DIPK1A: variants seen among roughly 807,000 people sequenced by gnomAD.
DIPK1A encodes divergent protein kinase domain 1A.
In DIPK1A, 27 loss-of-function variants were observed where a neutral mutation model predicts 40.8. The observed-to-expected ratio is 0.66, with a 90% CI of 0.49 to 0.91. DIPK1A has a LOEUF of 0.91. DIPK1A is among the 40% of genes least tolerant of loss of function. The probability of loss-of-function intolerance (pLI) is 0.00; values close to 1 mark genes in which losing one functional copy is unlikely to be tolerated. For missense variants in DIPK1A, 412 were observed against 505.7 expected (o/e 0.81, Z 1.78); for synonymous variants, 166 against 171.3 (o/e 0.97, Z 0.24).
At chr1:92,926,091 AC>A in intron 1 of DIPK1A, among the ~76,000 whole-genome samples, 1 of 151,804 alleles carries the variant, frequency 6.6e-6, no homozygotes, top group African/African-American at 2.4e-5. Flanking sequence ...TATTGTCTTT[AC>A]TTTCTTCTTT....
chr1:92,857,612 C>G (rs1249690862), intron 2 of DIPK1A, among the ~76,000 whole-genome samples: 1 of 152,074 alleles, frequency 6.6e-6, no homozygotes, highest in Non-Finnish European at 1.5e-5. Flanking sequence ...AGTGAGCCAC[C>G]GTGCCCGGCT....
rs1003561245 is a variant in DIPK1A, at chr1:92,842,626, A to G, written c.*757T>C. ...GTCTTGCACTTACAGTCCCACTTTC[A>G]CATAGTTCAAAATCAGGATATGTGG... On this transcript the variant is annotated 3_prime_UTR_variant, in exon 5 of 5. Transcript: ENST00000370310. The G allele has an allele frequency of 2.0e-6, 2 of 985,246 alleles. No individual in the cohort carries two copies. The highest frequency in any genetic ancestry group is 3.5e-5 in the African/African-American group (2 of 57,250). 61.0% of individuals were successfully genotyped at this position (985,246 alleles called of 1,614,324 possible).
intron 1 of DIPK1A, chr1:92,933,554 T>C (rs1650840790): frequency 6.6e-6 from 1 of 152,038 alleles, no homozygotes. Context: ...AAAAGAAAAC[T>C]GCCCAATCTA....
rs954243889 is a variant in DIPK1A at position 92,908,837 on chromosome 1, G to A, written c.55-32407C>T. Among the ~76,000 whole-genome samples the A allele has an allele frequency of 1.8e-4, 28 of 152,272 alleles. No homozygotes were observed. The South Asian group carries it at 1.9e-3, about 10-fold the overall frequency. The stretch of plus-strand genomic sequence containing the variant: ...GGACTCAAGGAGAGACACCAACTCC[G>A]CTGTCCCTAGAGCAGAAGGAAGAGT... On this transcript the variant is annotated intron_variant, in intron 1 of 4. Coordinates refer to ENST00000370310, the MANE Select transcript of DIPK1A (RefSeq NM_001006605.5).
At chr1:92,882,116 G>T (rs1027036616) in intron 1 of DIPK1A, among the ~76,000 whole-genome samples, 5 of 152,208 alleles carry the variant, frequency 3.3e-5, no homozygotes, top group African/African-American at 1.2e-4. Flanking sequence ...GGCCAGGTGT[G>T]GTGGCTCATG....
At chr1:92,889,128 T>C (rs951576651) in intron 1 of DIPK1A, among the ~76,000 whole-genome samples, 1 of 152,220 alleles carries the variant, frequency 6.6e-6, no homozygotes, top group African/African-American at 2.4e-5. Context: ...ACTAATAGTT[T>C]CATAATTTCA....
In DIPK1A at chr1:92,843,788, A is replaced by G; in HGVS notation, c.882T>C (p.Asp294=). The change falls in exon 5 of 5, where the codon GAT becomes GAC. Residue 294 remains aspartate, a synonymous_variant. Transcript: ENST00000370310. ...HGPYGNFLMC[D]TSAKNLGYND... is the part of the protein sequence containing the mutation. ...TATATCCTAGGTTTTTGGCACTAGTATCGCACATGAGGAAATTTCCGTAGG... is the reference window on the plus strand; with the variant it reads ...TATATCCTAGGTTTTTGGCACTAGTGTCGCACATGAGGAAATTTCCGTAGG... The G allele has an allele frequency of 1.3e-6, 2 of 1,551,940 alleles. No individual in the cohort carries two copies. The highest frequency in any genetic ancestry group is 1.7e-6 in the Non-Finnish European group (2 of 1,147,046).
At chr1:92,932,993 AG>A (rs1290647464) in intron 1 of DIPK1A, 1 of 152,204 alleles carries the variant, frequency 6.6e-6, no homozygotes, top group East Asian at 1.9e-4. Context: ...CACTCTGGTG[AG>A]GGATGTTGAT....
intron 2 of DIPK1A, among the ~76,000 whole-genome samples, chr1:92,863,625 G>A (rs1340378584): frequency 1.3e-5 from 2 of 148,176 alleles, no homozygotes; most frequent in African/African-American, 5.0e-5. Context: ...GATTTCCTTA[G>A]AATAGGGTTT....
chr1:92,868,822 C>T (rs12726286), intron 2 of DIPK1A, among the ~76,000 whole-genome samples: 31,774 of 151,654 alleles, frequency 0.21, 3,821 homozygotes, highest in Non-Finnish European at 0.27. Context: ...AAAAATTAGC[C>T]GGGCATGGTG....
At position 92,842,636 on chromosome 1, in the gene DIPK1A, A is replaced by G. The variant is rs1446505245; in HGVS notation, c.*747T>C. Reference sequence around the variant, plus strand: ...TACAGTCCCACTTTCACATAGTTCAAAATCAGGATATGTGGATCTTGATTG... The same window carrying G: ...TACAGTCCCACTTTCACATAGTTCAGAATCAGGATATGTGGATCTTGATTG... On this transcript the variant is annotated 3_prime_UTR_variant, in exon 5 of 5. Coordinates refer to ENST00000370310, the MANE Select transcript of DIPK1A (RefSeq NM_001006605.5). 4 of 985,246 alleles carry G rather than the reference A, an allele frequency of 4.1e-6. No individual in the cohort carries two copies. The highest frequency in any genetic ancestry group is 4.8e-6 in the Non-Finnish European group (4 of 829,882). The allele number at this position is 985,246 out of a possible 1,614,324, so 61.0% of individuals were successfully genotyped here.
At chr1:92,836,558 C>T in intron 4 of DIPK1A, 1 of 658,652 alleles carries the variant, frequency 1.5e-6, no homozygotes, top group Admixed American at 2.5e-5. Context: ...GAATTATAGC[C>T]CATTTTATAA....
intron 1 of DIPK1A, among the ~76,000 whole-genome samples, chr1:92,939,042 A>G (rs916563788): frequency 6.6e-6 from 1 of 152,088 alleles, no homozygotes; most frequent in Non-Finnish European, 1.5e-5. Flanking sequence ...CTGGGATTAC[A>G]GGCGCCCGCC....
chr1:92,955,652 C>T (rs1423214226), intron 1 of DIPK1A, among the ~76,000 whole-genome samples: 2 of 145,296 alleles, frequency 1.4e-5, no homozygotes, highest in Non-Finnish European at 3.0e-5. Context: ...GAGCTGAGAT[C>T]GCACCACTGC....
intron 1 of DIPK1A, among the ~76,000 whole-genome samples, chr1:92,948,883 C>A (rs1335092430): frequency 6.6e-6 from 1 of 150,590 alleles, no homozygotes; most frequent in Non-Finnish European, 1.5e-5. Flanking sequence ...TGGCTCACTG[C>A]AGCCTCCACC....
chr1:92,844,946 T>C lies in DIPK1A; in HGVS notation c.475-751A>G, dbSNP rs1025897941. 9.5e-5 allele frequency among the ~76,000 whole-genome samples: 13 copies of C among 136,286 alleles called. No homozygotes were observed. The East Asian group carries it at 1.1e-3, about 11-fold the overall frequency. The allele number at this position is 136,286 out of a possible 152,430, so 89.4% of individuals were successfully genotyped here. A position where few individuals can be genotyped will look rare whatever the true frequency, so the allele number is the denominator to read the frequency against. Reference sequence around the variant, plus strand: ...AATCTATATATTAGTATTTCTTTTTTTTTTTTTTTTTTTTTTGAGACGGAG... The same window carrying C: ...AATCTATATATTAGTATTTCTTTTTCTTTTTTTTTTTTTTTTGAGACGGAG... On this transcript the variant is annotated intron_variant, in intron 4 of 4. Coordinates refer to ENST00000370310, the MANE Select transcript of DIPK1A (RefSeq NM_001006605.5).
At chr1:92,949,124 C>T (rs550303571) in intron 1 of DIPK1A, among the ~76,000 whole-genome samples, 191 of 152,020 alleles carry the variant, frequency 1.3e-3, no homozygotes, top group Non-Finnish European at 2.1e-3. Flanking sequence ...AAAGAACCAA[C>T]GATTTGACAT....
At chr1:92,952,161 GCTGCTAAACATC>G in intron 1 of DIPK1A, among the ~76,000 whole-genome samples, 1 of 151,448 alleles carries the variant, frequency 6.6e-6, no homozygotes, top group East Asian at 1.9e-4. Context: ...GCCCATGGAT[GCTGCTAAACATC>G]CTGCAACACC....
At chr1:92,918,266 G>A (rs1055993718) in intron 1 of DIPK1A, among the ~76,000 whole-genome samples, 5 of 151,952 alleles carry the variant, frequency 3.3e-5, no homozygotes, top group African/African-American at 1.2e-4. Flanking sequence ...TCTCCCACCT[G>A]AGCCTCCAGA....
Sources: gnomAD v4.1 joint callset for allele counts (sites outside exome capture counted in the v4.1 genomes callset) on GRCh38, gnomAD v4.1.1 for gene constraint, MANE v1.5 for transcripts, NCBI Gene and HGNC (gene_info 2026-07-23, HGNC 2026-07-21) for gene names.